The following HACD2 variants were observed in gnomAD, a reference collection of about 807,000 sequenced individuals.
HACD2 encodes 3-hydroxyacyl-CoA dehydratase 2, also known as very-long-chain (3R)-3-hydroxyacyl-CoA dehydratase 2.
HACD2 carries 15 observed loss-of-function variants against 31.0 expected under a neutral mutation model. The observed-to-expected ratio is 0.48, with a 90% CI of 0.32 to 0.75. The LOEUF is 0.75. Ranked by LOEUF, HACD2 falls within the 30% of genes least tolerant of loss-of-function variation. HACD2 has a pLI of 0.03. For missense variants in HACD2, 283 were observed against 313.0 expected (o/e 0.90, Z 0.72); for synonymous variants, 115 against 122.2 (o/e 0.94, Z 0.39).
chr3:123,505,045 T>C lies in HACD2; in HGVS notation c.382-2364A>G, dbSNP rs967866200. On this transcript the variant is annotated intron_variant, in intron 4 of 6. Coordinates refer to ENST00000383657, the MANE Select transcript of HACD2 (RefSeq NM_198402.5). ...GATGTGGTCTATACATACAGCGGGA[T>C]ATTATTATATACATACAGTGGAGTA... Among the ~76,000 whole-genome samples the C allele has an allele frequency of 4.6e-5, 7 of 152,306 alleles. No homozygotes were observed. The East Asian group carries it at 1.4e-3, about 29-fold the overall frequency.
rs562163574 is a variant in HACD2, at chr3:123,559,335, T to G, written c.292+8427A>C. On this transcript the variant is annotated intron_variant, in intron 3 of 6. Coordinates refer to ENST00000383657, the MANE Select transcript of HACD2 (RefSeq NM_198402.5). ...CTGTATTCTGATGGGACTTTCAAAA[T>G]TTATCTAGAGGGAAAAAGGTAGTAG... Among the ~76,000 whole-genome samples the G allele has an allele frequency of 1.1e-4, 16 of 152,324 alleles. No individual in the cohort carries two copies. In the South Asian group the frequency reaches 2.9e-3, roughly 28 times the overall value.
Position 123,572,923 on chromosome 3 carries a change from C to T in HACD2, c.274-5143G>A, listed in dbSNP as rs369069090. On this transcript the variant is annotated intron_variant, in intron 2 of 6. Coordinates refer to ENST00000383657, the MANE Select transcript of HACD2 (RefSeq NM_198402.5). ...GAGGAAAAAAAAAACCTGACTAGCC[C>T]ACTCTGGCTCAGTTACGCACCCCTG... is the stretch of plus-strand genomic sequence containing the variant. Among the ~76,000 whole-genome samples, 5 of 152,190 alleles carry T rather than the reference C, an allele frequency of 3.3e-5. No homozygotes were observed. The East Asian group carries it at 5.8e-4, about 18-fold the overall frequency.
chr3:123,513,394 TGGA>T (rs1471362250), intron 4 of HACD2, among the ~76,000 whole-genome samples: 1 of 151,806 alleles, frequency 6.6e-6, no homozygotes, highest in East Asian at 1.9e-4. Context: ...GAACTGGAGG[TGGA>T]GAAACCTGGC....
intron 3 of HACD2, among the ~76,000 whole-genome samples, chr3:123,553,952 T>A (rs145605359): frequency 0.03 from 4,481 of 149,890 alleles, 69 homozygotes; most frequent in Middle Eastern, 0.08. Flanking sequence ...ACTAAAAGAA[T>A]AATATATATT....
intron 5 of HACD2, 95 bp downstream of exon 5, chr3:123,502,454 GTCTCAATTTTA>G (rs1559897997): frequency 1.7e-6 from 2 of 1,200,280 alleles, no homozygotes; most frequent in Non-Finnish European, 2.3e-6. Context: ...TACCCAACCC[GTCTCAATTTTA>G]TTTTTAGAAA....
chr3:123,543,906 C>A (rs1025191436), intron 3 of HACD2, among the ~76,000 whole-genome samples: 2 of 151,842 alleles, frequency 1.3e-5, no homozygotes, highest in Admixed American at 6.5e-5. Flanking sequence ...TCTTTTTTCC[C>A]TTTCTGTCAT....
intron 6 of HACD2, among the ~76,000 whole-genome samples, chr3:123,495,733 G>T (rs576003815): frequency 6.6e-6 from 1 of 152,126 alleles, no homozygotes; most frequent in Non-Finnish European, 1.5e-5. Context: ...GCCTCCCTCG[G>T]AACTATTTGG....
At chr3:123,546,685 ACAG>A (rs920644862) in intron 3 of HACD2, among the ~76,000 whole-genome samples, 15 of 152,370 alleles carry the variant, frequency 9.8e-5, no homozygotes, top group African/African-American at 3.6e-4. Flanking sequence ...GATTAAAGCC[ACAG>A]TAGTCAGAAT....
intron 1 of HACD2, among the ~76,000 whole-genome samples, chr3:123,583,073 G>T (rs1189141052): frequency 6.6e-6 from 1 of 152,120 alleles, no homozygotes; most frequent in East Asian, 1.9e-4. Context: ...TAAATGTATA[G>T]TATCAACTAG....
intron 2 of HACD2, among the ~76,000 whole-genome samples, chr3:123,580,791 G>GAA (rs71142746): frequency 2.8e-5 from 3 of 108,200 alleles, no homozygotes; most frequent in South Asian, 2.8e-4. Context: ...CCTGTCTCAA[G>GAA]AAAAAAAAAA....
intron 4 of HACD2, 33 bp downstream of exon 4, chr3:123,528,353 G>A (rs2056310516): frequency 7.8e-7 from 1 of 1,282,044 alleles, no homozygotes; most frequent in South Asian, 1.2e-5. Context: ...GTTTGTTAGT[G>A]TTGACATTAT....
chr3:123,532,359 G>A (rs1202469718), intron 3 of HACD2, among the ~76,000 whole-genome samples: 2 of 152,024 alleles, frequency 1.3e-5, no homozygotes, highest in African/African-American at 4.8e-5. Context: ...AGCAGTTCAG[G>A]CCCTCACCTG....
intron 3 of HACD2, 92 bp from the exon 4 acceptor site, chr3:123,528,566 G>C (rs17363249): frequency 0.011 from 9,128 of 806,458 alleles, 73 homozygotes; most frequent in Non-Finnish European, 0.014. Context: ...TAAATGTTTA[G>C]AGTCAAAACG....
At chr3:123,545,715 AT>A (rs1156885967) in intron 3 of HACD2, among the ~76,000 whole-genome samples, 292 of 141,852 alleles carry the variant, frequency 2.1e-3, no homozygotes, top group Middle Eastern at 3.6e-3. Context: ...TAATAATAAG[AT>A]TTTTTTTTTT....
Position 123,493,670 on chromosome 3 carries a change from C to T in HACD2, c.*1218G>A, listed in dbSNP as rs2055794888. The T allele has an allele frequency of 6.6e-6, 1 of 152,096 alleles. No homozygotes were observed. The highest frequency in any genetic ancestry group is 1.5e-5 in the Non-Finnish European group (1 of 68,022). The allele number at this position is 152,096 out of a possible 1,614,324, so 9.4% of individuals were successfully genotyped here. On this transcript the variant is annotated 3_prime_UTR_variant, in exon 7 of 7. Transcript: ENST00000383657. The stretch of plus-strand genomic sequence containing the variant: ...ATCCTTTCTTGAGGAGTTTTAAATG[C>T]ATGGTTGAGCAATTAAATTGTATGA...
chr3:123,552,618 C>CA (rs953632112), intron 3 of HACD2, among the ~76,000 whole-genome samples: 14 of 151,856 alleles, frequency 9.2e-5, no homozygotes, highest in Non-Finnish European at 1.5e-4. Context: ...AAATGCCCTC[C>CA]AAAAAATCAC....
intron 4 of HACD2, among the ~76,000 whole-genome samples, chr3:123,508,175 G>A (rs932998382): frequency 3.3e-5 from 5 of 152,158 alleles, no homozygotes; most frequent in South Asian, 2.1e-4. Context: ...TCATAAAGCC[G>A]TTTCAAAGTT....
intron 3 of HACD2, among the ~76,000 whole-genome samples, chr3:123,562,230 A>G (rs913833300): frequency 1.3e-5 from 2 of 152,194 alleles, no homozygotes; most frequent in Non-Finnish European, 1.5e-5. Flanking sequence ...TCTATTATCA[A>G]TACAAAACAA....
intron 3 of HACD2, among the ~76,000 whole-genome samples, chr3:123,542,037 C>T (rs2056497165): frequency 7.1e-6 from 1 of 141,364 alleles, no homozygotes. Context: ...GTCCCAGCTA[C>T]TTGGGAGGCT....
Sources: gnomAD v4.1 joint callset for allele counts (sites outside exome capture counted in the v4.1 genomes callset) on GRCh38, gnomAD v4.1.1 for gene constraint, MANE v1.5 for transcripts, NCBI Gene and HGNC (gene_info 2026-07-23, HGNC 2026-07-21) for gene names.